CHL1: variants seen among roughly 807,000 people sequenced by gnomAD.
CHL1 encodes neural cell adhesion molecule L1-like protein.
CHL1 carries 96 observed loss-of-function variants against 141.9 expected under a neutral mutation model. That is an observed-to-expected ratio of 0.68 (90% confidence interval 0.57 to 0.80). The LOEUF is 0.80. CHL1 is among the 30% of genes least tolerant of loss of function. CHL1 has a pLI of 0.00. For synonymous variants in CHL1, 613 were observed against 502.2 expected (o/e 1.22, Z -2.95); for missense variants, 1,820 against 1,457.2 (o/e 1.25, Z -4.05).
intron 2 of CHL1, among the ~76,000 whole-genome samples, chr3:311,527 G>A (rs906859668): frequency 1.3e-5 from 2 of 152,024 alleles, no homozygotes; most frequent in African/African-American, 4.8e-5. Flanking sequence ...AAATAGCACT[G>A]CCCAGTCATG....
chr3:285,014 G>T (rs1222644098), intron 2 of CHL1, among the ~76,000 whole-genome samples: 1 of 152,108 alleles, frequency 6.6e-6, no homozygotes, highest in East Asian at 1.9e-4. Flanking sequence ...GAACTATTTT[G>T]CATATGCTTG....
chr3:302,895 G>T (rs1321812294), intron 2 of CHL1, among the ~76,000 whole-genome samples: 1 of 151,980 alleles, frequency 6.6e-6, no homozygotes, highest in Admixed American at 6.6e-5. Context: ...TTAAGTCTTT[G>T]ACCTATCTTG....
rs145158928 is a variant in CHL1 at position 348,614 on chromosome 3, T to C, written c.849-745T>C. 1.3e-3 allele frequency among the ~76,000 whole-genome samples: 202 copies of C among 152,334 alleles called. 1 individual carries two copies. Among genetic ancestry groups the C allele is most frequent in the African/African-American group, 4.8e-3 (198 of 41,566 alleles). ...CTCCTTACTAAGGTGGGGAAAGTTATCATGCTGGTGTGTAACAAGTTATCA... is the reference window on the plus strand; with the variant it reads ...CTCCTTACTAAGGTGGGGAAAGTTACCATGCTGGTGTGTAACAAGTTATCA... On this transcript the variant is annotated intron_variant, in intron 9 of 27. Coordinates refer to ENST00000256509, the MANE Select transcript of CHL1 (RefSeq NM_006614.4).
At chr3:285,464 A>G (rs1697042379) in intron 2 of CHL1, among the ~76,000 whole-genome samples, 1 of 152,222 alleles carries the variant, frequency 6.6e-6, no homozygotes. Context: ...TCAGATGAAT[A>G]AAGGAAGTCA....
intron 1 of CHL1, chr3:198,060 C>G (rs1342871577): frequency 6.6e-6 from 2 of 304,228 alleles, no homozygotes; most frequent in Admixed American, 4.1e-5. Context: ...CGAAAAACCA[C>G]GGGCCGGAGG....
chr3:264,166 A>G (rs932760101), intron 2 of CHL1, among the ~76,000 whole-genome samples: 5 of 152,224 alleles, frequency 3.3e-5, no homozygotes, highest in Non-Finnish European at 7.3e-5. Context: ...ACTCTATTCA[A>G]ATAACACTAA....
At position 360,408 on chromosome 3, in the gene CHL1, C is replaced by T; in HGVS notation, c.1290C>T (p.Ala430=). The T allele has an allele frequency of 6.2e-7, 1 of 1,613,480 alleles. No homozygotes were observed. The highest frequency in any genetic ancestry group is 1.1e-5 in the South Asian group (1 of 90,978). Residue 430 remains alanine, a synonymous_variant, in exon 12 of 28, where the codon GCC becomes GCT. Coordinates refer to ENST00000256509, the MANE Select transcript of CHL1 (RefSeq NM_006614.4). ...TCCATGGAACTATCCTTGCCAATGC[C>T]AATATTGATGTTGTGGGTGAGTGTG... ...SNVHGTILAN[A]NIDVVDVRPL...
chr3:309,970 G>A (rs1282398358), intron 2 of CHL1, among the ~76,000 whole-genome samples: 1 of 152,022 alleles, frequency 6.6e-6, no homozygotes, highest in Non-Finnish European at 1.5e-5. Flanking sequence ...TTCTATTAAT[G>A]GAAAATAAGG....
At chr3:388,219 A>G (rs1305197333) in intron 19 of CHL1, among the ~76,000 whole-genome samples, 2 of 152,240 alleles carry the variant, frequency 1.3e-5, no homozygotes, top group African/African-American at 4.8e-5. Context: ...TCAATTAAAA[A>G]CTAAAGTGGA....
chr3:334,687 C>T (rs527660042), intron 5 of CHL1, among the ~76,000 whole-genome samples: 1 of 152,254 alleles, frequency 6.6e-6, no homozygotes, highest in East Asian at 1.9e-4. Flanking sequence ...AGTTGATGAA[C>T]ATTTGAATTA....
At chr3:343,419 AT>A (rs1372592471) in intron 8 of CHL1, among the ~76,000 whole-genome samples, 1 of 152,110 alleles carries the variant, frequency 6.6e-6, no homozygotes, top group East Asian at 1.9e-4. Context: ...AGTTAAGTGG[AT>A]TTTTTTCTTG....
Position 390,830 on chromosome 3 carries a change from T to C in CHL1, c.2586+14T>C, listed in dbSNP as rs1334282686. ...AAAGGCTATCAGGTTTTTATCATCA[T>C]GGTTTTTCCTCTTCTTGTTGAATTG... On this transcript the variant is annotated intron_variant, in intron 21 of 27. Transcript: ENST00000256509. 4 of 1,541,070 alleles carry C rather than the reference T, an allele frequency of 2.6e-6. No homozygotes were observed. The highest frequency in any genetic ancestry group is 2.2e-5 in the East Asian group (1 of 44,492).
intron 9 of CHL1, among the ~76,000 whole-genome samples, chr3:346,150 G>T (rs1371425355): frequency 6.6e-6 from 1 of 152,150 alleles, no homozygotes; most frequent in African/African-American, 2.4e-5. Flanking sequence ...GTTTAGAAAT[G>T]GAGCAGATTT....
intron 13 of CHL1, 84 bp from the exon 14 acceptor site, chr3:363,133 C>A: frequency 8.7e-7 from 1 of 1,155,644 alleles, no homozygotes; most frequent in Non-Finnish European, 1.2e-6. Flanking sequence ...AGGGGATTAG[C>A]CTGAATGACG....
chr3:332,840 T>C (rs1442211720), intron 5 of CHL1, among the ~76,000 whole-genome samples: 1 of 152,174 alleles, frequency 6.6e-6, no homozygotes, highest in African/African-American at 2.4e-5. Flanking sequence ...AAATATCTTT[T>C]GTAGGAGGCA....
At chr3:250,444 T>C (rs1422719792) in intron 2 of CHL1, among the ~76,000 whole-genome samples, 1 of 152,108 alleles carries the variant, frequency 6.6e-6, no homozygotes, top group Non-Finnish European at 1.5e-5. Flanking sequence ...GTTAAGTATA[T>C]GGGCAAACCT....
intron 2 of CHL1, chr3:309,434 CTCTT>C (rs1018361129): frequency 4.8e-5 from 7 of 145,262 alleles, no homozygotes; most frequent in Non-Finnish European, 7.4e-5. Context: ...CTCTTTCTTT[CTCTT>C]TCTTTCTTTT....
intron 2 of CHL1, among the ~76,000 whole-genome samples, chr3:245,823 A>G (rs948825010): frequency 1.3e-5 from 2 of 152,134 alleles, no homozygotes; most frequent in African/African-American, 4.8e-5. Flanking sequence ...GAATAAGTCT[A>G]TGAAGAAACT....
intron 2 of CHL1, among the ~76,000 whole-genome samples, chr3:281,674 C>G (rs1392858128): frequency 6.6e-6 from 1 of 151,786 alleles, no homozygotes; most frequent in Non-Finnish European, 1.5e-5. Context: ...ATTCTCATGC[C>G]TCAGCCCCCC....
Sources: allele counts gnomAD v4.1 joint callset (sites outside exome capture counted in the v4.1 genomes callset), GRCh38; gene constraint gnomAD v4.1.1; transcripts MANE v1.5; gene names NCBI Gene and HGNC (gene_info 2026-07-23, HGNC 2026-07-21).